SRBD1: variants seen among roughly 807,000 people sequenced by gnomAD.
SRBD1 encodes the protein S1 RNA-binding domain-containing protein 1.
Under a neutral mutation model 115.3 loss-of-function variants are expected in SRBD1, and 88 were observed. The ratio of observed to expected loss-of-function variants is 0.76; its 90% CI spans 0.64 to 0.91. The LOEUF is 0.91. Ranked by LOEUF, SRBD1 falls within the 40% of genes least tolerant of loss-of-function variation. The pLI is 0.00. For synonymous variants in SRBD1, 509 were observed against 407.7 expected (o/e 1.25, Z -2.99); for missense variants, 1,385 against 1,177.4 (o/e 1.18, Z -2.58).
At chr2:45,492,390 A>G (rs1057144002) in intron 14 of SRBD1, among the ~76,000 whole-genome samples, 1 of 152,268 alleles carries the variant, frequency 6.6e-6, no homozygotes, top group Admixed American at 6.5e-5. Context: ...CCAAATTGAG[A>G]TGGGAAGGTG....
intron 14 of SRBD1, among the ~76,000 whole-genome samples, chr2:45,543,856 T>C (rs1672024978): frequency 2.0e-5 from 3 of 152,122 alleles, no homozygotes; most frequent in Admixed American, 2.0e-4. Context: ...ATAGCTACCA[T>C]AATTAACCAC....
Position 45,502,964 on chromosome 2 carries a change from C to T in SRBD1, c.1875-14633G>A, listed in dbSNP as rs190920077. ...CCTGCCAAAGTGCTGGGATGACAGGCATAAGCCACTGCGCCCAGCAAAAGT... is the reference window on the plus strand; with the variant it reads ...CCTGCCAAAGTGCTGGGATGACAGGTATAAGCCACTGCGCCCAGCAAAAGT... On this transcript the variant is annotated intron_variant, in intron 14 of 20. Coordinates refer to ENST00000263736, the MANE Select transcript of SRBD1 (RefSeq NM_018079.5). 7.7e-3 allele frequency among the ~76,000 whole-genome samples: 1,173 copies of T among 152,262 alleles called. 13 individuals carry two copies. Among genetic ancestry groups the T allele is most frequent in the African/African-American group, 0.027 (1,108 of 41,544 alleles).
intron 4 of SRBD1, among the ~76,000 whole-genome samples, chr2:45,590,686 G>C (rs1159642643): frequency 6.6e-6 from 1 of 152,140 alleles, no homozygotes; most frequent in Non-Finnish European, 1.5e-5. Context: ...TAAGTCTCCT[G>C]AGGTCTCCCC....
In SRBD1 at chr2:45,448,603, G is replaced by A. The variant is rs540057853; in HGVS notation, c.2049+28390C>T. On this transcript the variant is annotated intron_variant, in intron 16 of 20. Transcript: ENST00000263736. ...AAACTGGAAAGGCTTGTGCCCTAACGACCTTCAAATTTACATTATTTAAAA... is the reference window on the plus strand; with the variant it reads ...AAACTGGAAAGGCTTGTGCCCTAACAACCTTCAAATTTACATTATTTAAAA... 4.6e-5 allele frequency among the ~76,000 whole-genome samples: 7 copies of A among 152,166 alleles called. No individual in the cohort carries two copies. The South Asian group carries it at 1.2e-3, about 27-fold the overall frequency.
In SRBD1 at chr2:45,556,448, C is replaced by CTTTTTT. The variant is rs59284495; in HGVS notation, c.1410-2724_1410-2719dup. Among the ~76,000 whole-genome samples, 37 of 78,832 alleles carry CTTTTTT rather than the reference C, an allele frequency of 4.7e-4. 5 individuals are homozygous for CTTTTTT. The highest frequency in any genetic ancestry group is 5.9e-4 in the African/African-American group (11 of 18,554). 51.7% of individuals were successfully genotyped at this position (78,832 alleles called of 152,430 possible). A position where few individuals can be genotyped will look rare whatever the true frequency, so the allele number is the denominator to read the frequency against. The stretch of plus-strand genomic sequence containing the variant: ...ATCTGTTCTGCTCTATGCTCTATTA[C>CTTTTTT]TTTTTTTTTTTTTTTTTTTTTTTTT... On this transcript the variant is annotated intron_variant, in intron 10 of 20. Transcript: ENST00000263736.
intron 4 of SRBD1, among the ~76,000 whole-genome samples, chr2:45,586,607 A>C (rs1040082127): frequency 6.6e-6 from 1 of 151,948 alleles, no homozygotes; most frequent in Non-Finnish European, 1.5e-5. Context: ...GTGCAGTGGC[A>C]CAACTGTGAT....
intron 19 of SRBD1, among the ~76,000 whole-genome samples, chr2:45,407,963 T>A (rs1667485230): frequency 6.6e-6 from 1 of 152,078 alleles, no homozygotes; most frequent in Non-Finnish European, 1.5e-5. Context: ...ATAATCTCAA[T>A]TTTCCTAAAA....
intron 18 of SRBD1, 130 bp downstream of exon 18, chr2:45,418,235 C>A: frequency 9.4e-7 from 1 of 1,060,452 alleles, no homozygotes; most frequent in Non-Finnish European, 1.3e-6. Context: ...AGGACAGTCA[C>A]TCAACACTTA....
At chr2:45,605,578 C>T (rs1674243181) in intron 1 of SRBD1, 137 bp from the exon 2 acceptor site, 2 of 795,626 alleles carry the variant, frequency 2.5e-6, no homozygotes, top group Non-Finnish European at 4.1e-6. Flanking sequence ...CAAGCCCAAA[C>T]ATCAGTTTCC....
intron 18 of SRBD1, among the ~76,000 whole-genome samples, chr2:45,413,660 G>T (rs940232801): frequency 6.6e-6 from 1 of 152,078 alleles, no homozygotes; most frequent in Admixed American, 6.6e-5. Context: ...TCGCGCAGTG[G>T]CTCACACCTG....
chr2:45,518,475 AG>A (rs964993811), intron 14 of SRBD1, among the ~76,000 whole-genome samples: 2 of 152,188 alleles, frequency 1.3e-5, no homozygotes, highest in African/African-American at 4.8e-5. Flanking sequence ...TGCTGAGTGG[AG>A]TGGAAGAGAG....
chr2:45,480,658 ACG>A lies in SRBD1; in HGVS notation c.1967-3585_1967-3584del, dbSNP rs1350383854. On this transcript the variant is annotated intron_variant, in intron 15 of 20. Coordinates refer to ENST00000263736, the MANE Select transcript of SRBD1 (RefSeq NM_018079.5). ...TCTACTCCTGGTGAAGATGCTATGA[ACG>A]TTGTGGAAATGATAAAAGATATCAA... Among the ~76,000 whole-genome samples, 18 of 152,304 alleles carry A rather than the reference ACG, an allele frequency of 1.2e-4. No individual in the cohort carries two copies. The South Asian group carries it at 3.7e-3, about 32-fold the overall frequency.
intron 19 of SRBD1, 46 bp from the exon 20 acceptor site, chr2:45,393,175 C>G (rs775799490): frequency 7.2e-6 from 11 of 1,533,754 alleles, no homozygotes; most frequent in Non-Finnish European, 9.6e-6. Flanking sequence ...AATATTACTC[C>G]TTTTGCAATC....
At chr2:45,413,651 C>A (rs72616916) in intron 18 of SRBD1, among the ~76,000 whole-genome samples, 33,366 of 151,870 alleles carry the variant, frequency 0.22, 5,810 homozygotes, top group African/African-American at 0.48. Context: ...TACTTGGCTT[C>A]GCGCAGTGGC....
At chr2:45,580,842 G>A (rs952407453) in intron 6 of SRBD1, among the ~76,000 whole-genome samples, 1 of 150,384 alleles carries the variant, frequency 6.6e-6, no homozygotes, top group Non-Finnish European at 1.5e-5. Context: ...CCGCCACCAC[G>A]CCCAGCTAAT....
At position 45,436,145 on chromosome 2, in the gene SRBD1, A is replaced by C. The variant is rs185934296; in HGVS notation, c.2050-16251T>G. ...GGAATCTATCACATCAACAAGCTAA[A>C]AAAGAAAAAAAAAATCACATAGTCC... On this transcript the variant is annotated intron_variant, in intron 16 of 20. Coordinates refer to ENST00000263736, the MANE Select transcript of SRBD1 (RefSeq NM_018079.5). 1.1e-4 allele frequency among the ~76,000 whole-genome samples: 17 copies of C among 152,304 alleles called. No individual in the cohort carries two copies. The East Asian group carries it at 3.3e-3, about 29-fold the overall frequency.
At chr2:45,513,714 G>A (rs1572720587) in intron 14 of SRBD1, among the ~76,000 whole-genome samples, 1 of 151,810 alleles carries the variant, frequency 6.6e-6, no homozygotes, top group Admixed American at 6.6e-5. Flanking sequence ...TATAATTTAC[G>A]AAAATTCTTT....
chr2:45,453,105 G>A (rs947967198), intron 16 of SRBD1, among the ~76,000 whole-genome samples: 1 of 151,818 alleles, frequency 6.6e-6, no homozygotes, highest in Non-Finnish European at 1.5e-5. Flanking sequence ...CCAGAGCCCA[G>A]AACTCTGACC....
intron 9 of SRBD1, among the ~76,000 whole-genome samples, chr2:45,566,465 A>T (rs984576109): frequency 2.6e-5 from 4 of 152,248 alleles, no homozygotes; most frequent in Admixed American, 2.6e-4. Flanking sequence ...AAAAGTCTGC[A>T]TATTGTATGA....
Sources: gnomAD v4.1 joint callset for allele counts (sites outside exome capture counted in the v4.1 genomes callset) on GRCh38, gnomAD v4.1.1 for gene constraint, MANE v1.5 for transcripts, NCBI Gene and HGNC (gene_info 2026-07-23, HGNC 2026-07-21) for gene names.